Variants in HS3ST3A1 observed in about 807,000 individuals in gnomAD.
The protein encoded by HS3ST3A1 is heparan sulfate glucosamine 3-O-sulfotransferase 3A1.
Under a neutral mutation model 25.7 loss-of-function variants are expected in HS3ST3A1, and 19 were observed. That is an observed-to-expected ratio of 0.74 (90% CI 0.52 to 1.08). HS3ST3A1 has a LOEUF of 1.08. HS3ST3A1 is among the 50% of genes least tolerant of loss of function. HS3ST3A1 has a pLI of 0.00. For missense variants in HS3ST3A1, 459 were observed against 594.3 expected (o/e 0.77, Z 2.37); for synonymous variants, 226 against 278.6 (o/e 0.81, Z 1.88).
At chr17:13,582,264 G>T (rs997129730) in intron 1 of HS3ST3A1, among the ~76,000 whole-genome samples, 1 of 152,184 alleles carries the variant, frequency 6.6e-6, no homozygotes, top group Non-Finnish European at 1.5e-5. Context: ...AAATGATTTT[G>T]CCTGAGCTTT....
At chr17:13,521,910 T>C (rs889143708) in intron 1 of HS3ST3A1, among the ~76,000 whole-genome samples, 21 of 152,160 alleles carry the variant, frequency 1.4e-4, no homozygotes, top group Admixed American at 6.5e-5. Flanking sequence ...TTGTAAAATT[T>C]AGGCAGCATC....
At chr17:13,549,651 G>T (rs1460815601) in intron 1 of HS3ST3A1, among the ~76,000 whole-genome samples, 1 of 152,062 alleles carries the variant, frequency 6.6e-6, no homozygotes, top group African/African-American at 2.4e-5. Flanking sequence ...ACTCTACTGG[G>T]CTCCAGCACT....
At chr17:13,501,479 T>A (rs951622123) in intron 1 of HS3ST3A1, among the ~76,000 whole-genome samples, 2 of 151,902 alleles carry the variant, frequency 1.3e-5, no homozygotes, top group African/African-American at 4.8e-5. Context: ...AATTAAACAT[T>A]ACAAGGTACT....
chr17:13,556,102 A>T (rs1376572314), intron 1 of HS3ST3A1: 3 of 152,308 alleles, frequency 2.0e-5, no homozygotes, highest in South Asian at 2.1e-4. Flanking sequence ...AAAGGATGAC[A>T]CCTAGGGCCA....
At chr17:13,590,279 A>G (rs1315401956) in intron 1 of HS3ST3A1, among the ~76,000 whole-genome samples, 1 of 151,462 alleles carries the variant, frequency 6.6e-6, no homozygotes, top group Non-Finnish European at 1.5e-5. Context: ...TGAATTGACC[A>G]TTGATTCAAT....
Position 13,496,919 on chromosome 17 carries a change from C to T in HS3ST3A1, c.600-101G>A, listed in dbSNP as rs973953521. 25 of 1,481,986 alleles carry T rather than the reference C, an allele frequency of 1.7e-5. No homozygotes were observed. In the Admixed American group the frequency reaches 2.0e-4, roughly 12 times the overall value. The allele number at this position is 1,481,986 out of a possible 1,614,324, so 91.8% of individuals were successfully genotyped here. A position where few individuals can be genotyped will look rare whatever the true frequency, so the allele number is the denominator to read the frequency against. On this transcript the variant is annotated intron_variant, in intron 1 of 1. Transcript: ENST00000284110. ...GGAGCCAGGCCGCAATTCCAGCCCC[C>T]GCAACCCCCCACTTGCTAGACATCT...
chr17:13,527,644 A>C (rs1906475627), intron 1 of HS3ST3A1, among the ~76,000 whole-genome samples: 1 of 152,216 alleles, frequency 6.6e-6, no homozygotes, highest in Middle Eastern at 3.2e-3. Flanking sequence ...CCCACAGCCC[A>C]GCAGCTTCTA....
chr17:13,514,571 T>G (rs1051089462), intron 1 of HS3ST3A1, among the ~76,000 whole-genome samples: 6 of 152,214 alleles, frequency 3.9e-5, no homozygotes, highest in African/African-American at 1.4e-4. Context: ...GTCCTGGCAT[T>G]AGTAGAGCAC....
chr17:13,601,087 C>G lies in HS3ST3A1; in HGVS notation c.43G>C (p.Glu15Gln), dbSNP rs1365576149. The change falls in exon 1 of 2, where the codon GAG becomes CAG. Residue 15 changes from glutamate to glutamine, a missense_variant. Transcript: ENST00000284110. ...CGGAAGATGCTGCGGGACAGCGGCT[C>G]GGCCGAGGTGGAGAGGGCACTGGCC... ...GPASALSTSA[E>Q]PLSRSIFRKF... 6.3e-7 allele frequency: 1 copy of G among 1,592,910 alleles called. No individual in the cohort carries two copies. Among genetic ancestry groups the G allele is most frequent in the African/African-American group, 1.4e-5 (1 of 73,674 alleles).
intron 1 of HS3ST3A1, among the ~76,000 whole-genome samples, chr17:13,534,393 A>G (rs1906703913): frequency 6.6e-6 from 1 of 151,656 alleles, no homozygotes; most frequent in Non-Finnish European, 1.5e-5. Flanking sequence ...TTGTTATTCT[A>G]AGTAATTATG....
chr17:13,568,618 G>A (rs1775759131), intron 1 of HS3ST3A1, among the ~76,000 whole-genome samples: 1 of 152,036 alleles, frequency 6.6e-6, no homozygotes, highest in Non-Finnish European at 1.5e-5. Context: ...GTATCTTTCA[G>A]AGTGTTATGA....
chr17:13,495,143 CTT>C lies in HS3ST3A1; in HGVS notation c.*1052_*1053del, dbSNP rs766844849. On this transcript the variant is annotated 3_prime_UTR_variant, in exon 2 of 2. Coordinates refer to ENST00000284110, the MANE Select transcript of HS3ST3A1 (RefSeq NM_006042.3). ...TGTAAGTGCTAATTGAAATCTGTTT[CTT>C]TTTTTTTTTTAAAGTCAATTAAATC... 6.8e-6 allele frequency among the ~76,000 whole-genome samples: 1 copy of C among 146,258 alleles called. No individual in the cohort carries two copies. The highest frequency in any genetic ancestry group is 2.5e-5 in the African/African-American group (1 of 40,010).
chr17:13,499,083 A>G (rs1003910905), intron 1 of HS3ST3A1, among the ~76,000 whole-genome samples: 5 of 152,108 alleles, frequency 3.3e-5, no homozygotes, highest in Admixed American at 6.5e-5. Flanking sequence ...ATAATTCTTA[A>G]TGGACCTCAT....
chr17:13,510,016 T>G (rs77970895), intron 1 of HS3ST3A1, among the ~76,000 whole-genome samples: 6,628 of 152,330 alleles, frequency 0.044, 179 homozygotes, highest in Non-Finnish European at 0.062. Flanking sequence ...ACTGTGAAAG[T>G]TACATTAAAT....
chr17:13,594,461 C>T (rs1043673238), intron 1 of HS3ST3A1, among the ~76,000 whole-genome samples: 24 of 152,276 alleles, frequency 1.6e-4, no homozygotes, highest in African/African-American at 5.3e-4. Flanking sequence ...AAGGGTTAAA[C>T]AGGCTTCTGT....
At chr17:13,562,568 C>T (rs543120056) in intron 1 of HS3ST3A1, among the ~76,000 whole-genome samples, 3 of 151,064 alleles carry the variant, frequency 2.0e-5, no homozygotes, top group Non-Finnish European at 2.9e-5. Context: ...AAACAGTATC[C>T]TGATGGAAGT....
intron 1 of HS3ST3A1, among the ~76,000 whole-genome samples, chr17:13,521,449 G>GTTTCAA (rs1323710641): frequency 6.6e-6 from 1 of 152,194 alleles, no homozygotes; most frequent in Non-Finnish European, 1.5e-5. Context: ...GTGCTGTTGA[G>GTTTCAA]TTTCAATGCC....
rs1905718657 is a variant in HS3ST3A1, at chr17:13,507,343, G to A, written c.600-10525C>T. Among the ~76,000 whole-genome samples the A allele has an allele frequency of 2.0e-5, 3 of 152,146 alleles. No individual in the cohort carries two copies. In the South Asian group the frequency reaches 6.2e-4, roughly 31 times the overall value. ...ACAGATGGGGAAATAGGCTCAGAGA[G>A]ATAATGTGACTTATCCAAGCACACA... On this transcript the variant is annotated intron_variant, in intron 1 of 1. Coordinates refer to ENST00000284110, the MANE Select transcript of HS3ST3A1 (RefSeq NM_006042.3).
chr17:13,531,201 T>G (rs1906594595), intron 1 of HS3ST3A1, among the ~76,000 whole-genome samples: 1 of 152,230 alleles, frequency 6.6e-6, no homozygotes, highest in Non-Finnish European at 1.5e-5. Context: ...GGGTTGACTT[T>G]GCTCAAAGAA....
Sources: gnomAD v4.1 joint callset for allele counts (sites outside exome capture counted in the v4.1 genomes callset) on GRCh38, gnomAD v4.1.1 for gene constraint, MANE v1.5 for transcripts, NCBI Gene and HGNC (gene_info 2026-07-23, HGNC 2026-07-21) for gene names.